SYNE2: variants seen among roughly 807,000 people sequenced by gnomAD.
SYNE2 encodes nesprin-2.
SYNE2 carries 431 observed loss-of-function variants against 856.3 expected under a neutral mutation model. The observed-to-expected ratio is 0.50, with a 90% confidence interval of 0.47 to 0.55. The LOEUF (loss-of-function observed/expected upper bound fraction) is 0.55, where lower values mean the gene tolerates loss of function less well. Ranked by LOEUF, SYNE2 falls within the 20% of genes least tolerant of loss-of-function variation. The probability of loss-of-function intolerance (pLI) is 0.00; values close to 1 mark genes in which losing one functional copy is unlikely to be tolerated. For synonymous variants in SYNE2, 2,923 were observed against 2,872.3 expected, an observed-to-expected ratio of 1.02 and a Z score of -0.56; for missense variants, 8,129 against 8,023.2, an observed-to-expected ratio of 1.01 and a Z score of -0.50.
chr14:64,106,170 A>G (rs2097770442), intron 64 of SYNE2, among the ~76,000 whole-genome samples: 1 of 134,018 alleles, frequency 7.5e-6, no homozygotes, highest in Non-Finnish European at 1.6e-5. Context: ...GATTTTTGAT[A>G]TTGTCAGTCT....
chr14:64,037,595 A>G (rs1290186412), intron 45 of SYNE2, among the ~76,000 whole-genome samples: 1 of 151,502 alleles, frequency 6.6e-6, no homozygotes, highest in Non-Finnish European at 1.5e-5. Flanking sequence ...CCCCCTTTCT[A>G]TTCCACAAAA....
intron 84 of SYNE2, among the ~76,000 whole-genome samples, chr14:64,149,949 A>AC (rs2098224223): frequency 7.0e-6 from 1 of 142,110 alleles, no homozygotes; most frequent in Non-Finnish European, 1.5e-5. Context: ...GAAACGAGCA[A>AC]CCCCACCGTG....
chr14:64,098,887 G>T, intron 63 of SYNE2, 66 bp downstream of exon 63: 2 of 1,498,506 alleles, frequency 1.3e-6, no homozygotes, highest in Admixed American at 1.8e-5. Flanking sequence ...TCAATGAAAA[G>T]ATCTTAAAGT....
At chr14:64,023,116 G>C (rs933153460) in intron 38 of SYNE2, 1 of 433,258 alleles carries the variant, frequency 2.3e-6, no homozygotes, top group African/African-American at 2.0e-5. Flanking sequence ...AATTAGCTGG[G>C]TGTGGCAGCA....
chr14:63,982,930 C>T (rs933301727), intron 17 of SYNE2, 136 bp downstream of exon 17: 16 of 884,516 alleles, frequency 1.8e-5, no homozygotes, highest in Non-Finnish European at 2.6e-5. Context: ...AAATTTAGAA[C>T]ATTTTTATTA....
intron 19 of SYNE2, among the ~76,000 whole-genome samples, chr14:63,987,632 C>G (rs2096636384): frequency 6.6e-6 from 1 of 151,976 alleles, no homozygotes; most frequent in Non-Finnish European, 1.5e-5. Context: ...GTTTTTATTG[C>G]TTTGAAAATA....
chr14:63,888,296 G>T (rs919160208), intron 1 of SYNE2, among the ~76,000 whole-genome samples: 2 of 152,136 alleles, frequency 1.3e-5, no homozygotes, highest in South Asian at 4.1e-4. Context: ...ACTGCACTTG[G>T]TGTGGCTTTG....
chr14:63,835,557 A>G (rs556583804), intron 1 of SYNE2, among the ~76,000 whole-genome samples: 42 of 119,758 alleles, frequency 3.5e-4, no homozygotes, highest in African/African-American at 1.2e-3. Flanking sequence ...ATCTTAATGT[A>G]GATATTTGCG....
chr14:64,204,690 T>TA (rs879679342), intron 100 of SYNE2, among the ~76,000 whole-genome samples: 37 of 147,436 alleles, frequency 2.5e-4, no homozygotes, highest in East Asian at 7.8e-4. Context: ...CTTGGTTACT[T>TA]AAAAAAAAAA....
At chr14:63,920,442 G>T (rs971009997) in intron 2 of SYNE2, among the ~76,000 whole-genome samples, 1 of 151,692 alleles carries the variant, frequency 6.6e-6, no homozygotes, top group Admixed American at 6.6e-5. Flanking sequence ...TGGATGTTCA[G>T]TGAGACTGAG....
At chr14:63,893,197 TA>T (rs965725833) in intron 1 of SYNE2, among the ~76,000 whole-genome samples, 1 of 150,946 alleles carries the variant, frequency 6.6e-6, no homozygotes, top group African/African-American at 2.4e-5. Flanking sequence ...CTAAATTCTT[TA>T]AAAAAAAAGA....
intron 2 of SYNE2, among the ~76,000 whole-genome samples, chr14:63,928,533 A>T (rs1397820606): frequency 3.3e-5 from 5 of 152,232 alleles, no homozygotes; most frequent in Non-Finnish European, 7.3e-5. Context: ...GTTGTAAATT[A>T]TCCCTTGCTT....
intron 1 of SYNE2, among the ~76,000 whole-genome samples, chr14:63,823,036 C>G (rs558184369): frequency 6.6e-6 from 1 of 151,854 alleles, no homozygotes; most frequent in African/African-American, 2.4e-5. Flanking sequence ...CCTAGGAGTT[C>G]GAGGTTGCAG....
rs138084733 is a variant in SYNE2, at chr14:64,125,108, C to T, written c.13452C>T (p.Ser4484=). Residue 4484 remains serine, a synonymous_variant, in exon 71 of 116, where the codon AGC becomes AGT. Coordinates refer to ENST00000555002, the MANE Select transcript of SYNE2 (RefSeq NM_182914.3). The part of the protein sequence containing the change: ...QVSTNMGILP[S]VTMYNFRYPT... ...CCACAAATATGGGTATTCTACCCAG[C>T]GTGACTATGTATAACTTTAGATACC... 38 of 1,613,980 alleles carry T rather than the reference C, an allele frequency of 2.4e-5. No individual in the cohort carries two copies. The highest frequency in any genetic ancestry group is 3.3e-4 in the Middle Eastern group (2 of 6,084).
Position 64,021,476 on chromosome 14 carries a change from GTC to G in SYNE2, c.5316_5317del (p.Pro1773PhefsTer2). ...TGACTGAATCCCTCTTAAAAGCCCT[GTC>G]TCCTTCTGACAGCTTGGAGATCTTC... ...GMTESLLKAL[S>X]PSDSLEIFTK... On this transcript the variant is annotated frameshift_variant, in exon 36 of 116. Coordinates refer to ENST00000555002, the MANE Select transcript of SYNE2 (RefSeq NM_182914.3). LOFTEE classifies it high-confidence loss of function. 6.2e-7 allele frequency: 1 copy of G among 1,613,718 alleles called. No individual in the cohort carries two copies. The highest frequency in any genetic ancestry group is 8.5e-7 in the Non-Finnish European group (1 of 1,179,932).
At chr14:64,217,851 G>T (rs2098674037) in intron 108 of SYNE2, among the ~76,000 whole-genome samples, 1 of 152,202 alleles carries the variant, frequency 6.6e-6, no homozygotes, top group African/African-American at 2.4e-5. Flanking sequence ...AGAGGCCCGA[G>T]ATAACAGCCC....
chr14:64,165,392 A>T lies in SYNE2; in HGVS notation c.16587A>T (p.Glu5529Asp), dbSNP rs781145810. The T allele has an allele frequency of 6.2e-7, 1 of 1,613,946 alleles. No homozygotes were observed. The highest frequency in any genetic ancestry group is 8.5e-7 in the Non-Finnish European group (1 of 1,179,976). Residue 5529 changes from glutamate (E) to aspartate (D), a missense_variant, in exon 90 of 116, where the codon GAA becomes GAT. Coordinates refer to ENST00000555002, the MANE Select transcript of SYNE2 (RefSeq NM_182914.3). ...ATAGACTTCACCAACAGGAAAAAGA[A>T]AATCCTGACTCATTCCTGGTATTGC... ...NLDRLHQQEK[E>D]NPDSFLNHVL...
Position 63,990,109 on chromosome 14 carries a change from A to G in SYNE2, c.2314-302A>G, listed in dbSNP as rs1255905. ...CCTCTCCACTACTTTGACATAGAAC[A>G]AGATCATTTTAATATTTATTACCAT... On this transcript the variant is annotated intron_variant, in intron 19 of 115. Coordinates refer to ENST00000555002, the MANE Select transcript of SYNE2 (RefSeq NM_182914.3). Among the ~76,000 whole-genome samples, 42,005 of 152,166 alleles carry G rather than the reference A, an allele frequency of 0.28. 6,046 individuals are homozygous for G. Among genetic ancestry groups the G allele is most frequent in the East Asian group, 0.35 (1,824 of 5,186 alleles).
rs764923701 is a variant in SYNE2 at position 64,134,119 on chromosome 14, A to C, written c.14565A>C (p.Glu4855Asp). The C allele has an allele frequency of 1.9e-6, 3 of 1,614,020 alleles. No homozygotes were observed. The highest frequency in any genetic ancestry group is 3.3e-5 in the Admixed American group (2 of 60,022). Reference protein sequence around the residue: ...ENYASLEKDLEILISTLPSVS... With the variant: ...ENYASLEKDLDILISTLPSVS... ...ATGCATCTCTTGAAAAGGACCTGGA[A>C]ATTCTTATATCTACATTGCCCTCTG... The change falls in exon 78 of 116, where the codon GAA becomes GAC. Residue 4855 changes from glutamate (E) to aspartate (D), a missense_variant. This residue lies in a region of SYNE2 where 5,410 missense variants were observed against 5,284.8 expected (regional missense o/e 1.02). Transcript: ENST00000555002.
Sources: gnomAD v4.1 joint callset for allele counts (sites outside exome capture counted in the v4.1 genomes callset) on GRCh38, gnomAD v4.1.1 for gene constraint, gnomAD v4.1.1 regional missense constraint, MANE v1.5 for transcripts, NCBI Gene and HGNC (gene_info 2026-07-23, HGNC 2026-07-21) for gene names.